The following RIMS1 variants were observed in gnomAD, a reference collection of about 807,000 sequenced individuals.
RIMS1 encodes the protein regulating synaptic membrane exocytosis protein 1.
RIMS1 carries 83 observed loss-of-function variants against 214.1 expected under a neutral mutation model. The observed-to-expected ratio is 0.39, with a 90% CI of 0.32 to 0.47. The LOEUF (loss-of-function observed/expected upper bound fraction) is 0.47, where lower values mean the gene tolerates loss of function less well. Ranked by LOEUF, RIMS1 falls within the 20% of genes least tolerant of loss-of-function variation. The probability of loss-of-function intolerance (pLI) is 0.99; values close to 1 mark genes in which losing one functional copy is unlikely to be tolerated. For missense variants in RIMS1, 2,050 were observed against 2,161.8 expected (o/e 0.95, Z 1.03); for synonymous variants, 793 against 786.8 (o/e 1.01, Z -0.13).
intron 2 of RIMS1, among the ~76,000 whole-genome samples, chr6:72,092,877 C>T (rs182081524): frequency 1.3e-5 from 2 of 152,210 alleles, no homozygotes; most frequent in Admixed American, 6.5e-5. Context: ...AAGTCTCATC[C>T]AACCAACTCA....
chr6:71,990,051 A>G (rs900489278), intron 2 of RIMS1, among the ~76,000 whole-genome samples: 1 of 152,200 alleles, frequency 6.6e-6, no homozygotes, highest in Non-Finnish European at 1.5e-5. Flanking sequence ...TCTGTATTAA[A>G]GTAGGCCCCT....
chr6:72,182,239 AGTCTT>A (rs1305926691), intron 5 of RIMS1, 40 bp from the exon 6 acceptor site: 1 of 1,507,532 alleles, frequency 6.6e-7, no homozygotes, highest in African/African-American at 1.4e-5. Flanking sequence ...TTTTATGTCT[AGTCTT>A]TATAAATTGC....
chr6:72,253,112 C>T (rs148640039), intron 16 of RIMS1, among the ~76,000 whole-genome samples: 7 of 152,172 alleles, frequency 4.6e-5, no homozygotes, highest in African/African-American at 7.2e-5. Context: ...AGTGAAAATA[C>T]GAATTTTATT....
intron 22 of RIMS1, 120 bp downstream of exon 22, chr6:72,266,169 T>C: frequency 1.3e-6 from 1 of 758,456 alleles, no homozygotes. Flanking sequence ...TTGCTAACTG[T>C]CTACATTTCC....
At chr6:71,960,698 A>T (rs1792682518) in intron 1 of RIMS1, among the ~76,000 whole-genome samples, 2 of 151,982 alleles carry the variant, frequency 1.3e-5, no homozygotes, top group African/African-American at 4.8e-5. Context: ...TTCTTTTTTT[A>T]AAAAAACTCA....
intron 6 of RIMS1, among the ~76,000 whole-genome samples, chr6:72,216,218 T>G (rs2055939892): frequency 6.6e-6 from 1 of 152,124 alleles, no homozygotes; most frequent in Non-Finnish European, 1.5e-5. Context: ...TGAAGTAAAA[T>G]GTAGGTGACC....
In RIMS1 at chr6:72,401,424, C is replaced by T. The variant is rs1404447950; in HGVS notation, c.*710C>T. The T allele has an allele frequency of 6.6e-6, 1 of 152,298 alleles. No individual in the cohort carries two copies. Among genetic ancestry groups the T allele is most frequent in the African/African-American group, 2.4e-5 (1 of 41,374 alleles). The allele number at this position is 152,298 out of a possible 1,614,324, so 9.4% of individuals were successfully genotyped here. ...TATTTAAAGTCTTATGTGTGGATAC[C>T]CAAGAGACAAAAAGTTATCTTCCAA... On this transcript the variant is annotated 3_prime_UTR_variant, in exon 34 of 34. Coordinates refer to ENST00000521978, the MANE Select transcript of RIMS1 (RefSeq NM_014989.7).
intron 29 of RIMS1, among the ~76,000 whole-genome samples, chr6:72,383,588 A>G (rs2098531133): frequency 6.7e-6 from 1 of 149,288 alleles, no homozygotes. Context: ...AGCCTGGGCA[A>G]CATAGCAAGA....
intron 28 of RIMS1, among the ~76,000 whole-genome samples, chr6:72,328,818 C>G (rs554589655): frequency 6.6e-6 from 1 of 151,724 alleles, no homozygotes; most frequent in South Asian, 2.1e-4. Context: ...AAAATACTTG[C>G]AAAAATTCTA....
intron 6 of RIMS1, among the ~76,000 whole-genome samples, chr6:72,183,912 T>A (rs11969460): frequency 7.9e-5 from 12 of 152,178 alleles, no homozygotes; most frequent in African/African-American, 2.9e-4. Context: ...CACACACTTA[T>A]AGACTACGTG....
At chr6:72,119,854 C>T (rs1409533506) in intron 4 of RIMS1, among the ~76,000 whole-genome samples, 1 of 151,600 alleles carries the variant, frequency 6.6e-6, no homozygotes, top group African/African-American at 2.4e-5. Flanking sequence ...CCTCCTGTGT[C>T]CAAGTATTCT....
intron 4 of RIMS1, among the ~76,000 whole-genome samples, chr6:72,124,159 G>A (rs955537926): frequency 2.6e-5 from 4 of 151,780 alleles, no homozygotes; most frequent in Admixed American, 6.6e-5. Context: ...CTCTTTTAGG[G>A]CAGGCCTGGT....
intron 1 of RIMS1, among the ~76,000 whole-genome samples, chr6:71,900,007 C>T (rs565778364): frequency 5.9e-5 from 9 of 152,048 alleles, no homozygotes; most frequent in East Asian, 3.9e-4. Context: ...TAATCACCCA[C>T]GTAAAATTAA....
In RIMS1 at chr6:71,887,186, A is replaced by G. The variant is rs1477519151; in HGVS notation, c.163A>G (p.Lys55Glu). ...EEEEKEEAML[K>E]CVVRDMAKPA... ...GGAGGAAAAAGAAGAAGCCATGCTC[A>G]AGTAAGCCAGCCCCAGCCGCGCCAT... The change falls in exon 1 of 34, where the codon AAG (lysine) becomes GAG (glutamate). Residue 55 changes from lysine (K) to glutamate (E), a missense_variant and splice_region_variant. By Grantham distance (56) the Lys-to-Glu change is moderately conservative. Coordinates refer to ENST00000521978, the MANE Select transcript of RIMS1 (RefSeq NM_014989.7). The G allele has an allele frequency of 1.2e-6, 2 of 1,603,588 alleles. No individual in the cohort carries two copies. The highest frequency in any genetic ancestry group is 1.7e-6 in the Non-Finnish European group (2 of 1,175,482).
At chr6:72,006,785 C>T (rs1807845306) in intron 2 of RIMS1, among the ~76,000 whole-genome samples, 1 of 152,230 alleles carries the variant, frequency 6.6e-6, no homozygotes, top group Admixed American at 6.5e-5. Context: ...GGAGGGGCGC[C>T]TGCCATTGCT....
intron 12 of RIMS1, among the ~76,000 whole-genome samples, chr6:72,248,692 G>A (rs1164362009): frequency 6.6e-6 from 1 of 152,130 alleles, no homozygotes; most frequent in Non-Finnish European, 1.5e-5. Flanking sequence ...GATGGAAAAT[G>A]TGATGTTGAT....
chr6:71,965,101 C>T (rs187365806), intron 1 of RIMS1, among the ~76,000 whole-genome samples: 28 of 152,252 alleles, frequency 1.8e-4, no homozygotes, highest in African/African-American at 6.3e-4. Context: ...ACATGTATTT[C>T]CCCAACACTA....
chr6:72,095,765 T>G (rs1047389338), intron 2 of RIMS1, among the ~76,000 whole-genome samples: 4 of 152,250 alleles, frequency 2.6e-5, no homozygotes, highest in Non-Finnish European at 5.9e-5. Flanking sequence ...TATCAGTTCC[T>G]CACAGTTATC....
At chr6:72,366,029 A>G (rs1000398902) in intron 29 of RIMS1, among the ~76,000 whole-genome samples, 1 of 152,216 alleles carries the variant, frequency 6.6e-6, no homozygotes, top group African/African-American at 2.4e-5. Context: ...AATACCAGAG[A>G]ATTATGATAA....
Sources: allele counts gnomAD v4.1 joint callset (sites outside exome capture counted in the v4.1 genomes callset), GRCh38; gene constraint gnomAD v4.1.1; transcripts MANE v1.5; gene names NCBI Gene and HGNC (gene_info 2026-07-23, HGNC 2026-07-21).